Variants in PPFIBP2 observed in about 807,000 individuals in gnomAD.
PPFIBP2 encodes the protein liprin-beta-2.
Under a neutral mutation model 118.3 loss-of-function variants are expected in PPFIBP2, and 118 were observed. The ratio of observed to expected loss-of-function variants is 1.00; its 90% CI spans 0.86 to 1.16. PPFIBP2 has a LOEUF of 1.16. PPFIBP2 is among the 50% of genes most tolerant of loss of function. PPFIBP2 has a pLI of 0.00. For synonymous variants in PPFIBP2, 414 were observed against 397.4 expected, an observed-to-expected ratio of 1.04 and a Z score of -0.50; for missense variants, 1,195 against 1,073.1, an observed-to-expected ratio of 1.11 and a Z score of -1.59.
Position 7,577,345 on chromosome 11 carries a change from G to A in PPFIBP2, c.279+11578G>A, listed in dbSNP as rs12416778. ...CGTGTGTGTGTGTGTGTGTGTGTGT[G>A]TGTGTGTTTGTTGGGGTGGTCGGGG... is the stretch of plus-strand genomic sequence containing the variant. On this transcript the variant is annotated intron_variant, in intron 3 of 23. Transcript: ENST00000299492. 2,181 of 333,774 alleles carry A rather than the reference G, an allele frequency of 6.5e-3. 39 individuals carry two copies. The highest frequency in any genetic ancestry group is 0.013 in the East Asian group (165 of 12,952). The allele number at this position is 333,774 out of a possible 1,614,324, so 20.7% of individuals were successfully genotyped here.
At chr11:7,665,896 C>A in the PPFIBP2 span, 1 of 1,536,140 alleles carries the variant, frequency 6.5e-7, no homozygotes, top group Non-Finnish European at 8.7e-7. Context: ...AGTGGAACTG[C>A]GCAGAATTGC....
chr11:7,620,462 T>A (rs1849210694), intron 6 of PPFIBP2, among the ~76,000 whole-genome samples: 1 of 152,200 alleles, frequency 6.6e-6, no homozygotes, highest in Non-Finnish European at 1.5e-5. Flanking sequence ...CCCTTAGGGT[T>A]CCTCTATGAG....
At chr11:7,606,811 A>G (rs751780595) in intron 5 of PPFIBP2, among the ~76,000 whole-genome samples, 1 of 150,648 alleles carries the variant, frequency 6.6e-6, no homozygotes. Flanking sequence ...CTTTCAAAAG[A>G]GATACATTAT....
chr11:7,565,850 T>C (rs1017555078), intron 3 of PPFIBP2, 83 bp downstream of exon 3: 1 of 1,435,236 alleles, frequency 7.0e-7, no homozygotes, highest in Admixed American at 1.9e-5. Context: ...ACTGGGGCTG[T>C]TGAGTCATCT....
chr11:7,605,977 A>T, intron 5 of PPFIBP2: 1 of 1,535,542 alleles, frequency 6.5e-7, no homozygotes, highest in South Asian at 1.2e-5. Flanking sequence ...GTTAATAACA[A>T]GGATGTGGAA....
chr11:7,519,323 G>T (rs1402986820), intron 1 of PPFIBP2, among the ~76,000 whole-genome samples: 2 of 152,168 alleles, frequency 1.3e-5, no homozygotes, highest in Non-Finnish European at 2.9e-5. Context: ...CGAGAATGGA[G>T]GAGAAGGATT....
chr11:7,612,588 A>G (rs1848194731), intron 6 of PPFIBP2, among the ~76,000 whole-genome samples: 1 of 152,200 alleles, frequency 6.6e-6, no homozygotes, highest in Non-Finnish European at 1.5e-5. Flanking sequence ...TTTCTGAAGG[A>G]CTATTTTTAA....
chr11:7,526,158 A>G (rs1321029180), intron 1 of PPFIBP2, among the ~76,000 whole-genome samples: 1 of 152,208 alleles, frequency 6.6e-6, no homozygotes, highest in African/African-American at 2.4e-5. Context: ...AGAGGAGTTT[A>G]TGAAATAACA....
At chr11:7,651,341 A>C in intron 22 of PPFIBP2, 1 of 364,564 alleles carries the variant, frequency 2.7e-6, no homozygotes, top group Non-Finnish European at 5.0e-6. Flanking sequence ...TCAGTGGCAA[A>C]GCCAGAGGGG....
At chr11:7,572,988 G>A (rs1855822660) in intron 3 of PPFIBP2, among the ~76,000 whole-genome samples, 2 of 152,156 alleles carry the variant, frequency 1.3e-5, no homozygotes, top group South Asian at 2.1e-4. Context: ...CCAGGTTGAC[G>A]AGGCTGATCT....
chr11:7,655,625 C>G, downstream of PPFIBP2: 1 of 756,236 alleles, frequency 1.3e-6, no homozygotes, highest in Non-Finnish European at 1.9e-6. Context: ...GCTGGGGTCA[C>G]AGCCTGAGCC....
Position 7,616,409 on chromosome 11 carries a change from T to A in PPFIBP2, c.619-4526T>A, listed in dbSNP as rs1848651979. Among the ~76,000 whole-genome samples the A allele has an allele frequency of 6.6e-6, 1 of 152,170 alleles. No homozygotes were observed. The highest frequency in any genetic ancestry group is 2.4e-5 in the African/African-American group (1 of 41,456). Reference sequence around the variant, plus strand: ...GTTGAGTTTGGGGCCAACTCTATGATGGTTTGCAAGAAGGGAGGAGACAAA... The same window carrying A: ...GTTGAGTTTGGGGCCAACTCTATGAAGGTTTGCAAGAAGGGAGGAGACAAA... On this transcript the variant is annotated intron_variant, in intron 6 of 23. Coordinates refer to ENST00000299492, the MANE Select transcript of PPFIBP2 (RefSeq NM_003621.5). The surrounding 1 kb of genome is among the most constrained non-coding windows in gnomAD (Gnocchi z 5.2).
intron 5 of PPFIBP2, among the ~76,000 whole-genome samples, chr11:7,608,564 TG>T (rs1212904782): frequency 6.6e-6 from 1 of 152,152 alleles, no homozygotes; most frequent in African/African-American, 2.4e-5. Context: ...CGCTTGAACC[TG>T]GGAGGTGGAG....
intron 19 of PPFIBP2, 21 bp from the exon 20 acceptor site, chr11:7,649,126 C>G (rs1422102387): frequency 6.9e-6 from 11 of 1,602,992 alleles, no homozygotes; most frequent in Non-Finnish European, 8.5e-6. Flanking sequence ...CCTGACACAT[C>G]TGGGGTTTTT....
chr11:7,521,598 C>G (rs1849764616), intron 1 of PPFIBP2, among the ~76,000 whole-genome samples: 1 of 151,932 alleles, frequency 6.6e-6, no homozygotes, highest in Admixed American at 6.6e-5. Context: ...CATATCACAT[C>G]AAACAAAGAT....
At chr11:7,657,722 G>A (rs904608188), downstream of PPFIBP2, among the ~76,000 whole-genome samples, 10 of 152,178 alleles carry the variant, frequency 6.6e-5, no homozygotes, top group African/African-American at 2.2e-4. Context: ...GGAAAATCCT[G>A]TCTCTCAAGG....
intron 17 of PPFIBP2, among the ~76,000 whole-genome samples, chr11:7,644,457 G>A (rs901055500): frequency 1.3e-5 from 2 of 152,206 alleles, no homozygotes; most frequent in Non-Finnish European, 2.9e-5. Flanking sequence ...CCACATGGCT[G>A]GATCCCACCT....
the PPFIBP2 span, among the ~76,000 whole-genome samples, chr11:7,664,411 C>G: frequency 6.7e-6 from 1 of 149,692 alleles, no homozygotes; most frequent in Non-Finnish European, 1.5e-5. Flanking sequence ...GCGTAATACT[C>G]TGTGATGGAA....
At chr11:7,604,094 T>C (rs935836384) in intron 5 of PPFIBP2, among the ~76,000 whole-genome samples, 7 of 152,180 alleles carry the variant, frequency 4.6e-5, no homozygotes, top group African/African-American at 1.7e-4. Flanking sequence ...CCAGACAGCC[T>C]GGATCAGAGT....
Sources: allele counts gnomAD v4.1 joint callset (sites outside exome capture counted in the v4.1 genomes callset), GRCh38; gene constraint gnomAD v4.1.1; non-coding constraint Gnocchi (gnomAD v3.1); transcripts MANE v1.5; gene names NCBI Gene and HGNC (gene_info 2026-07-23, HGNC 2026-07-21).